Variants in DCC observed in about 807,000 individuals in gnomAD.
DCC encodes the protein DCC netrin 1 receptor.
DCC carries 58 observed loss-of-function variants against 172.5 expected under a neutral mutation model. The observed-to-expected ratio is 0.34, with a 90% CI of 0.27 to 0.42. The LOEUF is 0.42. DCC is among the 10% of genes least tolerant of loss of function. DCC has a pLI of 1.00. For synonymous variants in DCC, 709 were observed against 644.5 expected, an observed-to-expected ratio of 1.10 and a Z score of -1.52; for missense variants, 1,740 against 1,791.0, an observed-to-expected ratio of 0.97 and a Z score of 0.51.
At chr18:53,035,643 C>T (rs967404572) in intron 5 of DCC, among the ~76,000 whole-genome samples, 5 of 152,048 alleles carry the variant, frequency 3.3e-5, no homozygotes, top group African/African-American at 7.2e-5. Flanking sequence ...ATTATAGCAG[C>T]GTAGGGAAAA....
chr18:52,452,939 G>T (rs1988350035), intron 1 of DCC, among the ~76,000 whole-genome samples: 1 of 152,190 alleles, frequency 6.6e-6, no homozygotes, highest in Admixed American at 6.5e-5. Flanking sequence ...TTAATGACAA[G>T]ACTAGATATA....
At position 52,381,240 on chromosome 18, in the gene DCC, A is replaced by C. The variant is rs1985571673; in HGVS notation, c.91+40362A>C. 3.3e-5 allele frequency among the ~76,000 whole-genome samples: 5 copies of C among 152,186 alleles called. No individual in the cohort carries two copies. In the South Asian group the frequency reaches 1.0e-3, roughly 31 times the overall value. Reference sequence around the variant, plus strand: ...GAAGACTGCACTTTGATCCTATAGTAGATGAAAATTTCTGTTTCAGACCAT... The same window carrying C: ...GAAGACTGCACTTTGATCCTATAGTCGATGAAAATTTCTGTTTCAGACCAT... On this transcript the variant is annotated intron_variant, in intron 1 of 28. Coordinates refer to ENST00000442544, the MANE Select transcript of DCC (RefSeq NM_005215.4).
Position 53,226,934 on chromosome 18 carries a change from G to GTGTATATATATATATATA in DCC, c.1911+11338_1911+11339insGTATATATATATATATAT, listed in dbSNP as rs34949557. ...TGTAACTGTGTGTGTGTGTGTGTGT[G>GTGTATATATATATATATA]TATATATATATATATTTTTTTTTTT... is the stretch of plus-strand genomic sequence containing the variant. On this transcript the variant is annotated intron_variant, in intron 12 of 28. Transcript: ENST00000442544. Among the ~76,000 whole-genome samples the GTGTATATATATATATATA allele has an allele frequency of 3.4e-3, 229 of 67,912 alleles. 4 individuals carry two copies. The highest frequency in any genetic ancestry group is 5.7e-3 in the Non-Finnish European group (191 of 33,622). The allele number at this position is 67,912 out of a possible 152,430, so 44.6% of individuals were successfully genotyped here. A position where few individuals can be genotyped will look rare whatever the true frequency, so the allele number is the denominator to read the frequency against.
intron 1 of DCC, among the ~76,000 whole-genome samples, chr18:52,644,711 T>C (rs9967047): frequency 0.95 from 143,182 of 150,834 alleles, 68,450 homozygotes; most frequent in East Asian, 1. Context: ...GCTATCATTG[T>C]ACCACTGTGT....
At chr18:52,798,971 A>T (rs1336377772) in intron 2 of DCC, among the ~76,000 whole-genome samples, 1 of 151,790 alleles carries the variant, frequency 6.6e-6, no homozygotes, top group African/African-American at 2.4e-5. Context: ...CTGGTCTCGA[A>T]CTCCTGACCT....
chr18:53,020,701 C>T (rs2143917105), intron 5 of DCC, among the ~76,000 whole-genome samples: 1 of 152,222 alleles, frequency 6.6e-6, no homozygotes, highest in Middle Eastern at 3.4e-3. Context: ...TTTAAAATAC[C>T]TCTCAGGTCA....
chr18:52,365,523 G>GT (rs1568134332), intron 1 of DCC, among the ~76,000 whole-genome samples: 1 of 103,422 alleles, frequency 9.7e-6, no homozygotes, highest in African/African-American at 4.6e-5. Flanking sequence ...CCAATTGCTT[G>GT]GGTGGGGTTT....
rs576276967 is a variant in DCC, at chr18:53,097,415, A to G, written c.1261+31249A>G. ...TAAAATATCATAAAGGCATTTATTT[A>G]TAAAATTATGTGCCTAACTTCTATA... On this transcript the variant is annotated intron_variant, in intron 7 of 28. Transcript: ENST00000442544. Among the ~76,000 whole-genome samples, 44 of 152,314 alleles carry G rather than the reference A, an allele frequency of 2.9e-4. 1 individual carries two copies. In the South Asian group the frequency reaches 5.2e-3, roughly 18 times the overall value.
At chr18:53,140,522 TTAG>T (rs1248958491) in intron 7 of DCC, among the ~76,000 whole-genome samples, 2 of 152,008 alleles carry the variant, frequency 1.3e-5, no homozygotes, top group African/African-American at 4.8e-5. Flanking sequence ...CATGCTGGAG[TTAG>T]TAGAAAGGAT....
Position 53,190,631 on chromosome 18 carries a change from CAT to C in DCC, c.1573+11517_1573+11518del, listed in dbSNP as rs2055352811. On this transcript the variant is annotated intron_variant, in intron 9 of 28. Transcript: ENST00000442544. ...CATTGATAAAAATTAGTTCAGAAAACATAGCAGTGACAACATAATATTTTTAA... is the reference window on the plus strand; with the variant it reads ...CATTGATAAAAATTAGTTCAGAAAACAGCAGTGACAACATAATATTTTTAA... Among the ~76,000 whole-genome samples the C allele has an allele frequency of 3.3e-5, 5 of 152,192 alleles. No homozygotes were observed. The South Asian group carries it at 1.0e-3, about 32-fold the overall frequency.
intron 1 of DCC, among the ~76,000 whole-genome samples, chr18:52,642,062 GTA>G (rs1171594177): frequency 6.5e-3 from 36 of 5,550 alleles, no homozygotes; most frequent in African/African-American, 0.012. Flanking sequence ...GTGTGTGTGT[GTA>G]TATATATATA....
intron 1 of DCC, among the ~76,000 whole-genome samples, chr18:52,568,035 A>C (rs1189828024): frequency 6.6e-6 from 1 of 152,152 alleles, no homozygotes; most frequent in Non-Finnish European, 1.5e-5. Context: ...TTTGGTTTTC[A>C]TAATGGTTTG....
chr18:52,582,223 AG>A, intron 1 of DCC, among the ~76,000 whole-genome samples: 2 of 152,318 alleles, frequency 1.3e-5, no homozygotes, highest in South Asian at 4.1e-4. Flanking sequence ...AGTCTTCCAA[AG>A]GTAGCTAATT....
intron 12 of DCC, among the ~76,000 whole-genome samples, chr18:53,242,578 T>C (rs866542014): frequency 6.6e-6 from 1 of 152,176 alleles, no homozygotes; most frequent in Non-Finnish European, 1.5e-5. Flanking sequence ...TTTATTCTTA[T>C]TGGGGACATA....
chr18:52,388,229 G>A (rs762637883), intron 1 of DCC, among the ~76,000 whole-genome samples: 15 of 151,968 alleles, frequency 9.9e-5, no homozygotes, highest in African/African-American at 2.2e-4. Flanking sequence ...TGAGGCATTA[G>A]GAGAAGGCAA....
intron 1 of DCC, among the ~76,000 whole-genome samples, chr18:52,737,712 G>A (rs1217045979): frequency 2.0e-5 from 3 of 152,152 alleles, no homozygotes; most frequent in African/African-American, 7.2e-5. Context: ...GACTGTTGGA[G>A]AGAATGAGGA....
chr18:52,602,772 T>C (rs2034044546), intron 1 of DCC, among the ~76,000 whole-genome samples: 3 of 152,214 alleles, frequency 2.0e-5, no homozygotes, highest in Admixed American at 2.0e-4. Context: ...GGATTTAGTT[T>C]ATTTTCAATG....
chr18:53,034,700 CTT>C (rs35411231), intron 5 of DCC, among the ~76,000 whole-genome samples: 138 of 147,216 alleles, frequency 9.4e-4, no homozygotes, highest in East Asian at 7.5e-3. Flanking sequence ...TCTGCTCCAA[CTT>C]TTTTTTTTTT....
intron 1 of DCC, among the ~76,000 whole-genome samples, chr18:52,445,451 T>G (rs1988092340): frequency 6.6e-6 from 1 of 152,196 alleles, no homozygotes; most frequent in Admixed American, 6.5e-5. Flanking sequence ...AGAAAAACAC[T>G]GTAACAAAAT....
Sources: allele counts gnomAD v4.1 joint callset (sites outside exome capture counted in the v4.1 genomes callset), GRCh38; gene constraint gnomAD v4.1.1; transcripts MANE v1.5; gene names NCBI Gene and HGNC (gene_info 2026-07-23, HGNC 2026-07-21).